The following KAZN variants were observed in gnomAD, a reference collection of about 807,000 sequenced individuals.
The protein encoded by KAZN is kazrin.
In KAZN, 40 loss-of-function variants were observed where a neutral mutation model predicts 87.4. The ratio of observed to expected loss-of-function variants is 0.46; its 90% CI spans 0.36 to 0.60. KAZN has a LOEUF of 0.60. KAZN is among the 20% of genes least tolerant of loss of function. The pLI is 0.00. For missense variants in KAZN, 898 were observed against 1,073.9 expected (o/e 0.84, Z 2.29); for synonymous variants, 466 against 458.3 (o/e 1.02, Z -0.22).
chr1:14,301,453 G>C (rs1484727334), intron 2 of KAZN, among the ~76,000 whole-genome samples: 1 of 152,162 alleles, frequency 6.6e-6, no homozygotes, highest in Non-Finnish European at 1.5e-5. Flanking sequence ...GCTCTCAAAG[G>C]CAAGCCACCG....
At chr1:14,644,639 G>A (rs1372193033) in intron 1 of KAZN, among the ~76,000 whole-genome samples, 1 of 152,216 alleles carries the variant, frequency 6.6e-6, no homozygotes, top group East Asian at 1.9e-4. Context: ...GGGATTACAA[G>A]TGTGAGCCAC....
At chr1:14,485,189 A>C (rs1260120699) in intron 2 of KAZN, among the ~76,000 whole-genome samples, 1 of 152,224 alleles carries the variant, frequency 6.6e-6, no homozygotes, top group East Asian at 1.9e-4. Context: ...CACCCACAAG[A>C]CAAGCAACCC....
chr1:14,043,423 T>C (rs1570598824), intron 1 of KAZN, among the ~76,000 whole-genome samples: 1 of 152,222 alleles, frequency 6.6e-6, no homozygotes, highest in African/African-American at 2.4e-5. Context: ...CTGAATCCCT[T>C]ATTTCAGTTA....
intron 8 of KAZN, among the ~76,000 whole-genome samples, chr1:15,075,657 C>G (rs1639705644): frequency 6.6e-6 from 1 of 152,160 alleles, no homozygotes; most frequent in Non-Finnish European, 1.5e-5. Context: ...AGGGAGGTGA[C>G]AGACACCAGG....
chr1:14,873,276 T>C (rs975160762), intron 1 of KAZN, among the ~76,000 whole-genome samples: 2 of 152,276 alleles, frequency 1.3e-5, no homozygotes, highest in Non-Finnish European at 2.9e-5. Context: ...ACAAAGCTCC[T>C]GCTTTCAGAA....
intron 2 of KAZN, among the ~76,000 whole-genome samples, chr1:14,395,451 C>T (rs913361668): frequency 5.3e-5 from 8 of 152,062 alleles, no homozygotes; most frequent in African/African-American, 9.7e-5. Context: ...CTCTTACCAC[C>T]GCCAGGGCAG....
intron 1 of KAZN, among the ~76,000 whole-genome samples, chr1:14,678,062 T>C (rs1257174309): frequency 6.6e-6 from 1 of 152,102 alleles, no homozygotes; most frequent in Non-Finnish European, 1.5e-5. Flanking sequence ...CTCTGGCACC[T>C]CTGATGGTTA....
chr1:14,294,852 A>G (rs1031041664), intron 2 of KAZN, among the ~76,000 whole-genome samples: 1 of 151,706 alleles, frequency 6.6e-6, no homozygotes, highest in Non-Finnish European at 1.5e-5. Context: ...TGCCTAGGTC[A>G]TAGAGAGCCC....
At chr1:14,593,570 G>A (rs1676325429) in intron 2 of KAZN, among the ~76,000 whole-genome samples, 1 of 152,150 alleles carries the variant, frequency 6.6e-6, no homozygotes, top group Non-Finnish European at 1.5e-5. Context: ...GAAACCCCAG[G>A]AGTTTAAAGA....
chr1:14,086,517 A>C (rs1446432128), intron 1 of KAZN, among the ~76,000 whole-genome samples: 1 of 152,196 alleles, frequency 6.6e-6, no homozygotes, highest in Admixed American at 6.5e-5. Context: ...AAATATTAAA[A>C]GGTTTTAATT....
chr1:14,538,885 T>C (rs1334025294), intron 2 of KAZN, among the ~76,000 whole-genome samples: 1 of 152,200 alleles, frequency 6.6e-6, no homozygotes, highest in African/African-American at 2.4e-5. Context: ...ACAGGGACTC[T>C]TTCTACATGG....
chr1:13,924,962 C>T (rs188414101), intron 1 of KAZN, among the ~76,000 whole-genome samples: 1 of 152,280 alleles, frequency 6.6e-6, no homozygotes, highest in African/African-American at 2.4e-5. Flanking sequence ...TTGACGTGTA[C>T]AATTCAGTGA....
rs1417566261 is a variant in KAZN at position 13,996,910 on chromosome 1, C to T, written c.91+103154C>T. 2.6e-5 allele frequency among the ~76,000 whole-genome samples: 4 copies of T among 152,296 alleles called. No homozygotes were observed. The East Asian group carries it at 7.7e-4, about 29-fold the overall frequency. On this transcript the variant is annotated intron_variant, in intron 1 of 16. Coordinates refer to the KAZN transcript ENST00000636203. The stretch of plus-strand genomic sequence containing the variant: ...CTCTGCCACCCAACTGGACGAGACC[C>T]TCCAACAGGGGTTGTAAGATACCCT...
chr1:14,853,349 C>T (rs1328763390), intron 1 of KAZN, among the ~76,000 whole-genome samples: 2 of 152,102 alleles, frequency 1.3e-5, no homozygotes, highest in African/African-American at 2.4e-5. Flanking sequence ...AGAGCAAGCA[C>T]GAACCTGCCC....
chr1:14,933,972 C>G (rs942278190), intron 1 of KAZN, among the ~76,000 whole-genome samples: 4 of 151,676 alleles, frequency 2.6e-5, no homozygotes, highest in Non-Finnish European at 4.4e-5. Context: ...CTCCGCCTCC[C>G]GAGTAGCTGG....
At chr1:14,817,528 T>A (rs190335919) in intron 1 of KAZN, among the ~76,000 whole-genome samples, 1 of 152,338 alleles carries the variant, frequency 6.6e-6, no homozygotes, top group Non-Finnish European at 1.5e-5. Flanking sequence ...GGTTATTCAT[T>A]CTTATGTCCC....
rs888538771 is a variant in KAZN, at chr1:14,432,320, G to T, written c.250-166663G>T. On this transcript the variant is annotated intron_variant, in intron 2 of 16. Transcript: ENST00000636203. ...AAATTGTAATTTTTTTCACCAGAATGGAAAAGAAAAGCTATGAGCTCTAGA... is the reference window on the plus strand; with the variant it reads ...AAATTGTAATTTTTTTCACCAGAATTGAAAAGAAAAGCTATGAGCTCTAGA... Among the ~76,000 whole-genome samples the T allele has an allele frequency of 2.0e-5, 3 of 152,302 alleles. 1 individual carries two copies. In the South Asian group the frequency reaches 6.2e-4, roughly 32 times the overall value.
intron 2 of KAZN, among the ~76,000 whole-genome samples, chr1:14,593,080 T>C (rs1172412862): frequency 6.6e-6 from 1 of 152,248 alleles, no homozygotes; most frequent in Non-Finnish European, 1.5e-5. Flanking sequence ...GACAGATCTC[T>C]TAACTTCAGT....
chr1:14,176,929 G>A (rs759762558), intron 1 of KAZN, among the ~76,000 whole-genome samples: 1 of 152,274 alleles, frequency 6.6e-6, no homozygotes, highest in Non-Finnish European at 1.5e-5. Context: ...GGAGGCCAAG[G>A]CGGGTGGATC....
Sources: allele counts gnomAD v4.1 joint callset (sites outside exome capture counted in the v4.1 genomes callset), GRCh38; gene constraint gnomAD v4.1.1; transcripts MANE v1.5; gene names NCBI Gene and HGNC (gene_info 2026-07-23, HGNC 2026-07-21).